Variants in FAT2 observed in about 807,000 individuals in gnomAD.
The protein encoded by FAT2 is protocadherin Fat 2.
FAT2 carries 150 observed loss-of-function variants against 295.3 expected under a neutral mutation model. The ratio of observed to expected loss-of-function variants is 0.51; its 90% confidence interval spans 0.44 to 0.58. The LOEUF is 0.58. FAT2 is among the 20% of genes least tolerant of loss of function. The probability of loss-of-function intolerance (pLI) is 0.00; values close to 1 mark genes in which losing one functional copy is unlikely to be tolerated. For synonymous variants in FAT2, 2,026 were observed against 2,150.3 expected, an observed-to-expected ratio of 0.94 and a Z score of 1.60; for missense variants, 4,868 against 5,442.7, an observed-to-expected ratio of 0.89 and a Z score of 3.32.
intron 1 of FAT2, among the ~76,000 whole-genome samples, chr5:151,583,474 ATAAAGTT>A (rs2127661990): frequency 6.6e-6 from 1 of 152,368 alleles, no homozygotes; most frequent in South Asian, 2.1e-4. Context: ...GTCCATGTTT[ATAAAGTT>A]TAAAAACAGG....
rs779275939 is a variant in FAT2 at position 151,566,863 on chromosome 5, T to C, written c.2069A>G (p.Gln690Arg). The change falls in exon 2 of 24, where the codon CAG (glutamine) becomes CGG (arginine). Residue 690 changes from glutamine to arginine, a missense_variant. Transcript: ENST00000261800. ...TKTILHFIGL[Q>R]NQESSDEEFT... ...TTCCTCATCACTGGACTCCTGGTTC[T>C]GAAGCCCAATAAAGTGGAGGATAGT... is the stretch of plus-strand genomic sequence containing the variant. 20 of 1,614,104 alleles carry C rather than the reference T, an allele frequency of 1.2e-5. No individual in the cohort carries two copies. The highest frequency in any genetic ancestry group is 1.6e-5 in the Non-Finnish European group (19 of 1,180,042).
Position 151,507,436 on chromosome 5 carries a change from C to T in FAT2, c.12235G>A (p.Val4079Met). The part of the protein sequence containing the change: ...YCRRCKSHKP[V>M]AMEDPDLLAR... ...AGGAGGTCTGGGTCCTCCATGGCCA[C>T]AGGCTTGTGAGACTTGCAACGGCGG... The change falls in exon 23 of 24, where the codon GTG (valine) becomes ATG (methionine). Residue 4079 changes from valine (V) to methionine (M), a missense_variant. Coordinates refer to ENST00000261800, the MANE Select transcript of FAT2 (RefSeq NM_001447.3). 1 of 1,614,204 alleles carries T rather than the reference C, an allele frequency of 6.2e-7. No homozygotes were observed. The highest frequency in any genetic ancestry group is 2.2e-5 in the East Asian group (1 of 44,880).
In FAT2 at chr5:151,554,599, A is replaced by G. The variant is rs1358347875; in HGVS notation, c.3708T>C (p.Asn1236=). 2 of 1,614,184 alleles carry G rather than the reference A, an allele frequency of 1.2e-6. No homozygotes were observed. The highest frequency in any genetic ancestry group is 1.7e-6 in the Non-Finnish European group (2 of 1,180,028). The change falls in exon 5 of 24, where the codon AAT becomes AAC. Residue 1236 remains asparagine, a synonymous_variant. Coordinates refer to ENST00000261800, the MANE Select transcript of FAT2 (RefSeq NM_001447.3). ...TGTGGGAGAATATAGGTGGATTGTC[A>G]TTGACGTCCAAGATGCCTACCACCA... The part of the protein sequence containing the change: ...SRVVVGILDV[N]DNPPIFSHKL...
Position 151,566,374 on chromosome 5 carries a change from C to A in FAT2, c.2558G>T (p.Gly853Val), listed in dbSNP as rs2127645901. Residue 853 changes from glycine to valine, a missense_variant, in exon 2 of 24, where the codon GGC becomes GTC. Gly to Val is a moderately radical substitution (Grantham distance 109). Transcript: ENST00000261800. ...ACTTAGCAGGGTGTAGCGAACCCTG[C>A]CATTGTCTTCCGAGTCAGCATCTTT... ...TTKDADSEDN[G>V]RVRYTLLSPT... 6.2e-7 allele frequency: 1 copy of A among 1,614,030 alleles called. No homozygotes were observed. The highest frequency in any genetic ancestry group is 8.5e-7 in the Non-Finnish European group (1 of 1,179,974).
intron 1 of FAT2, among the ~76,000 whole-genome samples, chr5:151,575,383 G>C (rs1363380031): frequency 2.0e-5 from 3 of 152,176 alleles, no homozygotes; most frequent in Non-Finnish European, 4.4e-5. Flanking sequence ...AAGAAAGCGG[G>C]CTCTGGAATC....
At chr5:151,563,662 C>T (rs1047460255) in intron 2 of FAT2, 23 bp from the exon 3 acceptor site, 37 of 1,602,214 alleles carry the variant, frequency 2.3e-5, no homozygotes, top group Non-Finnish European at 3.0e-5. Flanking sequence ...AGTCAGCAAA[C>T]CCAAAATACT....
At chr5:151,516,832 G>T (rs983188522) in intron 20 of FAT2, among the ~76,000 whole-genome samples, 1 of 152,110 alleles carries the variant, frequency 6.6e-6, no homozygotes, top group African/African-American at 2.4e-5. Flanking sequence ...GGGGCTGAGG[G>T]CAGTGGTTCA....
At chr5:151,558,413 C>T (rs1387375364) in intron 3 of FAT2, among the ~76,000 whole-genome samples, 1 of 152,010 alleles carries the variant, frequency 6.6e-6, no homozygotes, top group South Asian at 2.1e-4. Context: ...GTAAGGAGTT[C>T]GAGACCAGCC....
rs111494617 is a variant in FAT2, at chr5:151,513,933, A to G, written c.11464-1327T>C. Among the ~76,000 whole-genome samples the G allele has an allele frequency of 2.0e-5, 3 of 152,306 alleles. 1 individual carries two copies. The highest frequency in any genetic ancestry group is 7.2e-5 in the African/African-American group (3 of 41,568). On this transcript the variant is annotated intron_variant, in intron 20 of 23. Coordinates refer to ENST00000261800, the MANE Select transcript of FAT2 (RefSeq NM_001447.3). ...ATCCTCAATAATTTTCAAGAGTGTA[A>G]AAAGTCCTGAAGTCAAAAAGTCTGA...
In FAT2 at chr5:151,529,207, T is replaced by C; in HGVS notation, c.9997A>G (p.Asn3333Asp). 6.2e-7 allele frequency: 1 copy of C among 1,614,038 alleles called. No homozygotes were observed. The highest frequency in any genetic ancestry group is 1.1e-5 in the South Asian group (1 of 91,058). The change falls in exon 15 of 24, where the codon AAT becomes GAT. Residue 3333 changes from asparagine to aspartate, a missense_variant. Asn to Asp is a conservative substitution (Grantham distance 23). Around this residue, in one of 5 missense-constraint regions of FAT2, gnomAD observed 1,046 missense variants for 1,210.1 expected, o/e 0.86. Transcript: ENST00000261800. ...QDPYSTRVLENALVGDVILTV... is the reference protein window; with the variant it reads ...QDPYSTRVLEDALVGDVILTV... Reference sequence around the variant, plus strand: ...AGGATGACGTCACCCACAAGGGCATTCTCTAAGACCCTTGTGCTATATGGA... The same window carrying C: ...AGGATGACGTCACCCACAAGGGCATCCTCTAAGACCCTTGTGCTATATGGA...
At chr5:151,562,498 T>G (rs1341582375) in intron 3 of FAT2, among the ~76,000 whole-genome samples, 1 of 151,698 alleles carries the variant, frequency 6.6e-6, no homozygotes, top group African/African-American at 2.4e-5. Flanking sequence ...AGGCTGGGAG[T>G]AACACAACAG....
chr5:151,556,260 G>A, intron 4 of FAT2, 84 bp downstream of exon 4: 2 of 1,158,906 alleles, frequency 1.7e-6, no homozygotes, highest in Non-Finnish European at 2.6e-6. Flanking sequence ...ACCCTCCTCA[G>A]CCACAGTGCT....
chr5:151,536,579 AC>A (rs1381593545), intron 12 of FAT2, among the ~76,000 whole-genome samples: 1 of 151,860 alleles, frequency 6.6e-6, no homozygotes, highest in Non-Finnish European at 1.5e-5. Flanking sequence ...ACTCCACCAG[AC>A]TCTCACAGCC....
At position 151,528,123 on chromosome 5, in the gene FAT2, G is replaced by A; in HGVS notation, c.10037C>T (p.Thr3346Ile). 1 of 1,613,994 alleles carries A rather than the reference G, an allele frequency of 6.2e-7. No homozygotes were observed. The highest frequency in any genetic ancestry group is 8.5e-7 in the Non-Finnish European group (1 of 1,179,908). Residue 3346 changes from threonine to isoleucine, a missense_variant, in exon 16 of 24, where the codon ACT becomes ATT. Physicochemically the swap from Thr to Ile is moderately conservative, Grantham distance 89. Coordinates refer to ENST00000261800, the MANE Select transcript of FAT2 (RefSeq NM_001447.3). ...VGDVILTVSA[T>I]DEDGPLNSDI... ...ACTATTTAGGGGTCCATCTTCATCA[G>A]TCGCTGATACCTGCGGTGGGGTAGG...
At chr5:151,520,101 C>G (rs1753288380) in intron 19 of FAT2, among the ~76,000 whole-genome samples, 1 of 152,244 alleles carries the variant, frequency 6.6e-6, no homozygotes, top group African/African-American at 2.4e-5. Flanking sequence ...GAAGCCCACC[C>G]AGCCTAAATC....
At chr5:151,509,398 C>G (rs1399083302) in intron 22 of FAT2, 3 of 152,328 alleles carry the variant, frequency 2.0e-5, no homozygotes, top group African/African-American at 7.2e-5. Context: ...GTCCACAACC[C>G]CTGGGTCACG....
intron 22 of FAT2, among the ~76,000 whole-genome samples, chr5:151,508,692 A>G (rs1200928392): frequency 6.6e-6 from 1 of 151,124 alleles, no homozygotes; most frequent in Admixed American, 6.6e-5. Flanking sequence ...CCTGGGCGAC[A>G]GAGTGAAACT....
chr5:151,576,836 G>C (rs934878250), intron 1 of FAT2, among the ~76,000 whole-genome samples: 3 of 152,096 alleles, frequency 2.0e-5, no homozygotes, highest in African/African-American at 7.2e-5. Flanking sequence ...AAACATCATG[G>C]AGTGCACTTA....
chr5:151,553,394 G>C lies in FAT2; in HGVS notation c.3946-7C>G. On this transcript the variant is annotated splice_region_variant and splice_polypyrimidine_tract_variant and intron_variant, in intron 5 of 23. Transcript: ENST00000261800. Reference sequence around the variant, plus strand: ...CACTGTCTGTTGCCTTGATCTGAAAGGAGGCCAACACCAAAACTGAGGTTT... The same window carrying C: ...CACTGTCTGTTGCCTTGATCTGAAACGAGGCCAACACCAAAACTGAGGTTT... 2 of 1,613,678 alleles carry C rather than the reference G, an allele frequency of 1.2e-6. No individual in the cohort carries two copies. Among genetic ancestry groups the C allele is most frequent in the African/African-American group, 2.7e-5 (2 of 75,052 alleles).
Sources: gnomAD v4.1 joint callset for allele counts (sites outside exome capture counted in the v4.1 genomes callset) on GRCh38, gnomAD v4.1.1 for gene constraint, gnomAD v4.1.1 regional missense constraint, MANE v1.5 for transcripts, NCBI Gene and HGNC (gene_info 2026-07-23, HGNC 2026-07-21) for gene names.